MAPK14: variants seen among roughly 807,000 people sequenced by gnomAD.
MAPK14 encodes the protein mitogen-activated protein kinase 14.
A neutral mutation model predicts 49.6 loss-of-function variants in MAPK14; 16 were observed. The observed-to-expected ratio is 0.32, with a 90% CI of 0.22 to 0.49. MAPK14 has a LOEUF of 0.49. MAPK14 is among the 20% of genes least tolerant of loss of function. The pLI, the probability that MAPK14 is intolerant of heterozygous loss-of-function variation, is 0.99. For synonymous variants in MAPK14, 142 were observed against 158.0 expected (o/e 0.90, Z 0.76); for missense variants, 200 against 441.2 (o/e 0.45, Z 4.90).
intron 8 of MAPK14, among the ~76,000 whole-genome samples, chr6:36,093,427 A>C (rs927249446): frequency 6.6e-6 from 1 of 152,112 alleles, no homozygotes; most frequent in Admixed American, 6.5e-5. Flanking sequence ...AGAGTATAAA[A>C]ATTGACTCTC....
intron 10 of MAPK14, among the ~76,000 whole-genome samples, chr6:36,106,261 A>G (rs1765793859): frequency 2.0e-5 from 3 of 152,214 alleles, no homozygotes; most frequent in Admixed American, 6.5e-5. Context: ...AAAGCAGGGT[A>G]TAGACACATG....
chr6:36,108,245 A>G (rs28763974), intron 11 of MAPK14, 135 bp from the exon 12 acceptor site: 15,985 of 682,622 alleles, frequency 0.023, 236 homozygotes, highest in Middle Eastern at 0.04. Flanking sequence ...AGGCTATTAC[A>G]TACAAGCTGT....
At chr6:36,091,839 CTTTTCTTTTTTT>C (rs1765242532) in intron 8 of MAPK14, among the ~76,000 whole-genome samples, 1 of 122,136 alleles carries the variant, frequency 8.2e-6, no homozygotes, top group African/African-American at 3.0e-5. Context: ...CTCATCTTTT[CTTTTCTTTTTTT>C]TTTTTTTTTC....
At chr6:36,051,956 T>C (rs1228371844) in intron 1 of MAPK14, among the ~76,000 whole-genome samples, 1 of 152,118 alleles carries the variant, frequency 6.6e-6, no homozygotes, top group Non-Finnish European at 1.5e-5. Context: ...CATTATATTG[T>C]TTCCTTCTCA....
At chr6:36,094,354 A>G (rs530128944) in intron 8 of MAPK14, among the ~76,000 whole-genome samples, 10 of 152,218 alleles carry the variant, frequency 6.6e-5, no homozygotes, top group Non-Finnish European at 1.5e-4. Flanking sequence ...TGGGAACCAT[A>G]TGGTAACTGT....
At chr6:36,059,707 G>A (rs911501830) in intron 3 of MAPK14, among the ~76,000 whole-genome samples, 16 of 152,116 alleles carry the variant, frequency 1.1e-4, no homozygotes, top group African/African-American at 3.6e-4. Flanking sequence ...TAAAAGACAC[G>A]GGGTCTTGTG....
intron 8 of MAPK14, 71 bp from the exon 9 acceptor site, chr6:36,095,916 T>A: frequency 2.1e-6 from 2 of 967,666 alleles, no homozygotes; most frequent in African/African-American, 3.3e-5. Context: ...TGTTTGTTTT[T>A]GTTTTGTTTG....
At chr6:36,042,727 C>A (rs1763014293) in intron 1 of MAPK14, among the ~76,000 whole-genome samples, 1 of 151,532 alleles carries the variant, frequency 6.6e-6, no homozygotes. Flanking sequence ...GTCTTGAACT[C>A]CTGAGCTCAA....
Position 36,028,582 on chromosome 6 carries a change from C to T in MAPK14, c.116+309C>T, listed in dbSNP as rs1037998401. ...AGGGTTGCTGCTCGGCAACAGGCACCGGGGGAAGGGCCGCTTCCTTGGGGG... is the reference window on the plus strand; with the variant it reads ...AGGGTTGCTGCTCGGCAACAGGCACTGGGGGAAGGGCCGCTTCCTTGGGGG... On this transcript the variant is annotated intron_variant, in intron 1 of 11. Coordinates refer to ENST00000229794, the MANE Select transcript of MAPK14 (RefSeq NM_139012.3). The surrounding 1 kb of genome is among the most constrained non-coding windows in gnomAD (Gnocchi z 5.1). Among the ~76,000 whole-genome samples the T allele has an allele frequency of 2.0e-5, 3 of 152,180 alleles. No individual in the cohort carries two copies. The highest frequency in any genetic ancestry group is 4.8e-5 in the African/African-American group (2 of 41,452).
chr6:36,061,929 G>A (rs1411048099), intron 3 of MAPK14, among the ~76,000 whole-genome samples: 3 of 152,164 alleles, frequency 2.0e-5, no homozygotes, highest in Non-Finnish European at 4.4e-5. Context: ...TTATTGTGAT[G>A]TTCATATCAC....
At chr6:36,088,564 T>G (rs919665918) in intron 8 of MAPK14, among the ~76,000 whole-genome samples, 2 of 151,600 alleles carry the variant, frequency 1.3e-5, no homozygotes, top group Non-Finnish European at 2.9e-5. Context: ...CTACTAAAAA[T>G]GCAAAAAATT....
chr6:36,090,165 A>G (rs556847385), intron 8 of MAPK14, among the ~76,000 whole-genome samples: 8 of 152,046 alleles, frequency 5.3e-5, no homozygotes, highest in Admixed American at 3.3e-4. Context: ...TTTTGCAAAC[A>G]TGTTTTGAAA....
chr6:36,093,668 G>A (rs369922470), intron 8 of MAPK14, among the ~76,000 whole-genome samples: 1 of 143,280 alleles, frequency 7.0e-6, no homozygotes. Flanking sequence ...GCAGTGAGCC[G>A]AGATCGCGCC....
intron 8 of MAPK14, among the ~76,000 whole-genome samples, chr6:36,088,583 A>G (rs1025456093): frequency 6.6e-6 from 1 of 151,984 alleles, no homozygotes; most frequent in Non-Finnish European, 1.5e-5. Flanking sequence ...TTAGCCAGGC[A>G]TGGTGGTGTG....
Position 36,110,250 on chromosome 6 carries a change from C to G in MAPK14, c.*1803C>G, listed in dbSNP as rs202160083. The G allele has an allele frequency of 4.6e-5, 7 of 152,374 alleles. No individual in the cohort carries two copies. The highest frequency in any genetic ancestry group is 7.2e-5 in the African/African-American group (3 of 41,444). 9.4% of individuals were successfully genotyped at this position (152,374 alleles called of 1,614,324 possible). On this transcript the variant is annotated 3_prime_UTR_variant, in exon 12 of 12. Coordinates refer to ENST00000229794, the MANE Select transcript of MAPK14 (RefSeq NM_139012.3). ...CAATCAGTGCAGTGATACATGTACT[C>G]CAGAGGGACAGGGTGGACCCCCTGA...
At chr6:36,072,848 T>C (rs201347642) in intron 3 of MAPK14, 25 bp from the exon 4 acceptor site, 5 of 1,223,436 alleles carry the variant, frequency 4.1e-6, no homozygotes, top group Non-Finnish European at 5.9e-6. Flanking sequence ...TCTAGATTGT[T>C]ATGTAACTTT....
rs184944361 is a variant in MAPK14, at chr6:36,109,880, A to G, written c.*1433A>G. 2.6e-5 allele frequency: 4 copies of G among 152,778 alleles called. No individual in the cohort carries two copies. The East Asian group carries it at 5.8e-4, about 22-fold the overall frequency. 9.5% of individuals were successfully genotyped at this position (152,778 alleles called of 1,614,324 possible). A position where few individuals can be genotyped will look rare whatever the true frequency, so the allele number is the denominator to read the frequency against. ...GTAACAAGGTGTCTTTTCCACTCCT[A>G]TGGAAAAGGGTCTTCTTGGCAGCTT... On this transcript the variant is annotated 3_prime_UTR_variant, in exon 12 of 12. Coordinates refer to ENST00000229794, the MANE Select transcript of MAPK14 (RefSeq NM_139012.3).
chr6:36,051,588 C>A (rs1296890712), intron 1 of MAPK14, among the ~76,000 whole-genome samples: 1 of 152,050 alleles, frequency 6.6e-6, no homozygotes, highest in African/African-American at 2.4e-5. Flanking sequence ...CGTTTCCTAC[C>A]TCTGTTTCTT....
intron 1 of MAPK14, among the ~76,000 whole-genome samples, chr6:36,030,878 T>G (rs530826739): frequency 6.6e-6 from 1 of 152,176 alleles, no homozygotes; most frequent in South Asian, 2.1e-4. Context: ...AGCATATTGG[T>G]GAAAGAAAAT....
Sources: allele counts gnomAD v4.1 joint callset (sites outside exome capture counted in the v4.1 genomes callset), GRCh38; gene constraint gnomAD v4.1.1; non-coding constraint Gnocchi (gnomAD v3.1); transcripts MANE v1.5; gene names NCBI Gene and HGNC (gene_info 2026-07-23, HGNC 2026-07-21).